RCAN2: variants seen among roughly 807,000 people sequenced by gnomAD.
The protein encoded by RCAN2 is calcipressin-2.
A neutral mutation model predicts 23.6 loss-of-function variants in RCAN2; 9 were observed. The observed-to-expected ratio is 0.38, with a 90% CI of 0.23 to 0.67. The LOEUF is 0.67. Among genes scored for constraint, RCAN2 ranks in the 30% least tolerant of loss-of-function variants. The pLI, the probability that RCAN2 is intolerant of heterozygous loss-of-function variation, is 0.51. For synonymous variants in RCAN2, 109 were observed against 115.7 expected (o/e 0.94, Z 0.37); for missense variants, 273 against 302.3 (o/e 0.90, Z 0.72).
Position 46,391,421 on chromosome 6 carries a change from G to A in RCAN2, c.225+65331C>T, listed in dbSNP as rs544523061. On this transcript the variant is annotated intron_variant, in intron 2 of 4. Transcript: ENST00000371374. ...AAAACTGGGGTGCTAGGAGTGACGT[G>A]TTCAGCTCAGGGTGTTTGGGAAGTG... 3.0e-4 allele frequency among the ~76,000 whole-genome samples: 46 copies of A among 152,258 alleles called. No individual in the cohort carries two copies. The East Asian group carries it at 6.0e-3, about 20-fold the overall frequency.
At chr6:46,257,106 C>T (rs1463350176) in intron 2 of RCAN2, among the ~76,000 whole-genome samples, 1 of 152,130 alleles carries the variant, frequency 6.6e-6, no homozygotes, top group African/African-American at 2.4e-5. Context: ...GTTAGAGTTT[C>T]CAATCAGAAT....
At chr6:46,405,767 A>G (rs949832734) in intron 2 of RCAN2, among the ~76,000 whole-genome samples, 4 of 151,838 alleles carry the variant, frequency 2.6e-5, no homozygotes, top group African/African-American at 9.7e-5. Context: ...GTGCGCTCGC[A>G]CTCCTCAGCC....
chr6:46,398,285 A>G lies in RCAN2; in HGVS notation c.225+58467T>C, dbSNP rs1220032816. ...TAAATTTTCTAAAATGTCTACAGTG[A>G]ATATGTATTATGTTTGTAATAAATG... On this transcript the variant is annotated intron_variant, in intron 2 of 4. Transcript: ENST00000371374. Among the ~76,000 whole-genome samples the G allele has an allele frequency of 2.0e-5, 3 of 152,286 alleles. No individual in the cohort carries two copies. In the East Asian group the frequency reaches 5.8e-4, roughly 29 times the overall value.
intron 4 of RCAN2, among the ~76,000 whole-genome samples, chr6:46,231,545 G>A (rs1765888488): frequency 6.6e-6 from 1 of 151,982 alleles, no homozygotes; most frequent in South Asian, 2.1e-4. Flanking sequence ...TAGTAGCTGG[G>A]ATTACAGGTG....
chr6:46,441,889 C>A (rs1468164677), intron 2 of RCAN2, among the ~76,000 whole-genome samples: 3 of 152,038 alleles, frequency 2.0e-5, no homozygotes, highest in South Asian at 4.2e-4. Flanking sequence ...CACTAATAAC[C>A]CCACTCTCAC....
At chr6:46,223,535 C>G (rs1425843939) in intron 4 of RCAN2, among the ~76,000 whole-genome samples, 1 of 152,192 alleles carries the variant, frequency 6.6e-6, no homozygotes, top group Non-Finnish European at 1.5e-5. Context: ...ACCTCTTAGC[C>G]TCCACATCCT....
chr6:46,365,200 G>T (rs556896961), intron 2 of RCAN2, among the ~76,000 whole-genome samples: 7 of 152,048 alleles, frequency 4.6e-5, no homozygotes, highest in Non-Finnish European at 1.0e-4. Context: ...TTCTAGCTAG[G>T]CACGGTGGCT....
intron 4 of RCAN2, among the ~76,000 whole-genome samples, chr6:46,234,553 G>A (rs2150310236): frequency 6.6e-6 from 1 of 152,324 alleles, no homozygotes. Context: ...TCTCTGAAAA[G>A]ACAAGCAGAG....
chr6:46,231,439 C>T (rs7762979), intron 4 of RCAN2, among the ~76,000 whole-genome samples: 38,297 of 150,262 alleles, frequency 0.25, 5,871 homozygotes, highest in African/African-American at 0.42. Context: ...AGTCAGAGTC[C>T]TGCTCTGCTG....
At chr6:46,419,976 G>A (rs1389216895) in intron 2 of RCAN2, among the ~76,000 whole-genome samples, 1 of 152,160 alleles carries the variant, frequency 6.6e-6, no homozygotes, top group African/African-American at 2.4e-5. Context: ...CCAGACAAGA[G>A]TAGACAGATC....
chr6:46,369,827 G>A lies in RCAN2; in HGVS notation c.225+86925C>T, dbSNP rs575279363. Among the ~76,000 whole-genome samples the A allele has an allele frequency of 5.3e-5, 8 of 152,238 alleles. No homozygotes were observed. In the East Asian group the frequency reaches 9.6e-4, roughly 18 times the overall value. The stretch of plus-strand genomic sequence containing the variant: ...AACTATGAATCTTTTATTTCCTAAC[G>A]ACAAGAGCAGCTAATCACTTTTCCA... On this transcript the variant is annotated intron_variant, in intron 2 of 4. Transcript: ENST00000371374.
At chr6:46,260,941 T>G (rs1266271303) in intron 2 of RCAN2, among the ~76,000 whole-genome samples, 1 of 152,184 alleles carries the variant, frequency 6.6e-6, no homozygotes, top group East Asian at 1.9e-4. Flanking sequence ...TAATAAATAC[T>G]TTTTATGCAA....
chr6:46,337,372 A>T (rs1267712292), intron 2 of RCAN2, among the ~76,000 whole-genome samples: 2 of 152,170 alleles, frequency 1.3e-5, no homozygotes, highest in Non-Finnish European at 2.9e-5. Context: ...GCAACACAGA[A>T]ATCTGTGAAT....
chr6:46,337,947 T>C (rs1003629807), intron 2 of RCAN2, among the ~76,000 whole-genome samples: 1 of 151,582 alleles, frequency 6.6e-6, no homozygotes, highest in Non-Finnish European at 1.5e-5. Flanking sequence ...ACCCCTAGAG[T>C]GAGGAGTGGT....
chr6:46,474,233 G>A (rs533675716), intron 1 of RCAN2, among the ~76,000 whole-genome samples: 1 of 152,114 alleles, frequency 6.6e-6, no homozygotes, highest in African/African-American at 2.4e-5. Context: ...GCTGGGGGTT[G>A]GAGAGAACAT....
intron 2 of RCAN2, chr6:46,325,807 G>C (rs1193129394): frequency 9.5e-7 from 1 of 1,057,830 alleles, no homozygotes; most frequent in Non-Finnish European, 1.1e-6. Context: ...TGCTAAATCT[G>C]AACTCAGACT....
intron 2 of RCAN2, among the ~76,000 whole-genome samples, chr6:46,297,031 C>T (rs892085388): frequency 1.3e-5 from 2 of 152,126 alleles, no homozygotes; most frequent in East Asian, 1.9e-4. Flanking sequence ...ACAAACTCTT[C>T]TAAAATGTTT....
At chr6:46,274,927 C>G (rs1290612783) in intron 2 of RCAN2, among the ~76,000 whole-genome samples, 1 of 152,076 alleles carries the variant, frequency 6.6e-6, no homozygotes, top group Admixed American at 6.5e-5. Context: ...AACAGGGGAG[C>G]AAATGGAAAC....
intron 2 of RCAN2, among the ~76,000 whole-genome samples, chr6:46,300,730 A>G (rs1218537539): frequency 6.6e-6 from 1 of 152,048 alleles, no homozygotes; most frequent in African/African-American, 2.4e-5. Context: ...ATTATTTTTG[A>G]CTAGCTAAAA....
Sources: allele counts gnomAD v4.1 joint callset (sites outside exome capture counted in the v4.1 genomes callset), GRCh38; gene constraint gnomAD v4.1.1; transcripts MANE v1.5; gene names NCBI Gene and HGNC (gene_info 2026-07-23, HGNC 2026-07-21).